The following WAC variants were observed in gnomAD, a reference collection of about 807,000 sequenced individuals.
WAC encodes the protein WW domain containing adaptor with coiled-coil, also known as WW domain-containing adapter protein with coiled-coil.
A neutral mutation model predicts 79.6 loss-of-function variants in WAC; 11 were observed. The ratio of observed to expected loss-of-function variants is 0.14; its 90% CI spans 0.09 to 0.23. The LOEUF (loss-of-function observed/expected upper bound fraction) is 0.23. WAC is among the 10% of genes least tolerant of loss of function. The pLI, the probability that WAC is intolerant of heterozygous loss-of-function variation, is 1.00. For synonymous variants in WAC, 304 were observed against 276.9 expected (o/e 1.10, Z -0.97); for missense variants, 728 against 773.5 (o/e 0.94, Z 0.70).
intron 3 of WAC, chr10:28,538,347 C>T (rs1257446498): frequency 4.5e-5 from 14 of 310,830 alleles, no homozygotes; most frequent in Non-Finnish European, 3.5e-5. Context: ...TTTGGGAGGC[C>T]GAGGCAGGCA....
intron 3 of WAC, among the ~76,000 whole-genome samples, chr10:28,568,122 A>G (rs1210892635): frequency 2.0e-5 from 3 of 152,212 alleles, no homozygotes; most frequent in African/African-American, 2.4e-5. Context: ...ATTTGATTAC[A>G]TATTCTTTTT....
intron 3 of WAC, among the ~76,000 whole-genome samples, chr10:28,536,355 A>C (rs1171769839): frequency 6.6e-6 from 1 of 152,160 alleles, no homozygotes; most frequent in African/African-American, 2.4e-5. Context: ...ACTTTTTTCC[A>C]AGAAAGGAAC....
intron 3 of WAC, among the ~76,000 whole-genome samples, chr10:28,551,584 A>G (rs1051769382): frequency 2.0e-5 from 3 of 152,194 alleles, no homozygotes; most frequent in Non-Finnish European, 4.4e-5. Context: ...ATCTGAAACA[A>G]TATAAACCAG....
At chr10:28,546,615 C>T (rs1439412258) in intron 3 of WAC, among the ~76,000 whole-genome samples, 1 of 152,116 alleles carries the variant, frequency 6.6e-6, no homozygotes, top group Non-Finnish European at 1.5e-5. Context: ...CTTTCTAAAA[C>T]TAAAATAATT....
intron 3 of WAC, among the ~76,000 whole-genome samples, chr10:28,541,058 T>G (rs1443827515): frequency 6.6e-6 from 1 of 152,188 alleles, no homozygotes; most frequent in East Asian, 1.9e-4. Flanking sequence ...TATTTCTATT[T>G]TACAATCAGT....
At position 28,574,444 on chromosome 10, in the gene WAC, G is replaced by A. The variant is rs79581921; in HGVS notation, c.275-8955G>A. 0.011 allele frequency among the ~76,000 whole-genome samples: 1,589 copies of A among 150,682 alleles called. 57 individuals carry two copies. In the East Asian group the frequency reaches 0.11, roughly 11 times the overall value. ...CTTACAGGAGTGAGCCAGTGTGCAC[G>A]GCCTGTTGCTGTTTTTGAGACAGTG... On this transcript the variant is annotated intron_variant, in intron 3 of 13. Coordinates refer to ENST00000354911, the MANE Select transcript of WAC (RefSeq NM_016628.5).
chr10:28,586,322 C>T (rs749530330), intron 4 of WAC, among the ~76,000 whole-genome samples: 8 of 151,982 alleles, frequency 5.3e-5, no homozygotes, highest in Non-Finnish European at 7.4e-5. Context: ...GGGTGTTTAC[C>T]GCAGAGCCTG....
chr10:28,533,678 G>C (rs1836416266), intron 1 of WAC, 58 bp downstream of exon 1: 3 of 1,503,592 alleles, frequency 2.0e-6, no homozygotes, highest in Non-Finnish European at 1.8e-6. Context: ...CGGGGGGGCT[G>C]TTCCTCCTTA....
intron 11 of WAC, 55 bp downstream of exon 11, chr10:28,614,740 G>GC (rs1204877159): frequency 7.5e-7 from 1 of 1,335,022 alleles, no homozygotes; most frequent in Non-Finnish European, 1.1e-6. Flanking sequence ...ATGGTACACT[G>GC]CATTGTTTGA....
intron 3 of WAC, among the ~76,000 whole-genome samples, chr10:28,562,255 C>A (rs554947013): frequency 6.6e-6 from 1 of 152,192 alleles, no homozygotes; most frequent in Admixed American, 6.5e-5. Flanking sequence ...CGGGGTTTCA[C>A]CATGTTAGCC....
chr10:28,588,333 G>A (rs984608331), intron 4 of WAC, among the ~76,000 whole-genome samples: 6 of 152,276 alleles, frequency 3.9e-5, no homozygotes, highest in Non-Finnish European at 7.4e-5. Flanking sequence ...GTGTGAGGGC[G>A]CAGGGCTGCT....
rs778650995 is a variant in WAC at position 28,534,013 on chromosome 10, G to T, written c.57G>T (p.Arg19Ser). The change falls in exon 2 of 14, where the codon AGG (arginine) becomes AGT (serine). Residue 19 changes from arginine to serine, a missense_variant. Physicochemically the swap from Arg to Ser is moderately radical, Grantham distance 110. This residue lies in a region of WAC where 648 missense variants were observed against 661.5 expected (regional missense o/e 0.98). Transcript: ENST00000354911. Reference protein sequence around the residue: ...QRLSDGCHDRRGDSQPYQALK... With the variant: ...QRLSDGCHDRSGDSQPYQALK... ...TGTTTTTCAGCTGTCACGACCGGAG[G>T]GGGGACTCGCAGCCTTACCAGGTAC... 5.0e-6 allele frequency: 8 copies of T among 1,602,084 alleles called. No homozygotes were observed. Among genetic ancestry groups the T allele is most frequent in the African/African-American group, 1.4e-5 (1 of 72,906 alleles).
intron 3 of WAC, among the ~76,000 whole-genome samples, chr10:28,551,821 T>TC (rs1837693413): frequency 6.9e-6 from 1 of 144,056 alleles, no homozygotes; most frequent in Admixed American, 6.8e-5. Context: ...TGTGTGTGTT[T>TC]CTTTTTTTTT....
At chr10:28,576,291 T>G (rs1219017009) in intron 3 of WAC, among the ~76,000 whole-genome samples, 3 of 152,200 alleles carry the variant, frequency 2.0e-5, no homozygotes, top group Non-Finnish European at 4.4e-5. Context: ...TGTAGCCATA[T>G]ATATATATTT....
At chr10:28,590,959 G>T in intron 6 of WAC, 127 bp downstream of exon 6, 3 of 831,100 alleles carry the variant, frequency 3.6e-6, no homozygotes, top group Non-Finnish European at 3.8e-6. Context: ...ATTCTTTTAT[G>T]TTGGATTTAT....
chr10:28,561,415 A>G (rs578053993), intron 3 of WAC, among the ~76,000 whole-genome samples: 6 of 152,246 alleles, frequency 3.9e-5, no homozygotes, highest in African/African-American at 1.2e-4. Context: ...TCTTGTTTCT[A>G]GTTTGGATTT....
At chr10:28,535,972 G>A in intron 3 of WAC, 1 of 386,122 alleles carries the variant, frequency 2.6e-6, no homozygotes, top group Non-Finnish European at 4.5e-6. Context: ...GCCAGGCGCG[G>A]TGGCTCACGC....
At chr10:28,597,584 T>G (rs1490794221) in intron 7 of WAC, among the ~76,000 whole-genome samples, 2 of 152,204 alleles carry the variant, frequency 1.3e-5, no homozygotes, top group African/African-American at 4.8e-5. Context: ...TTCTTTTTCT[T>G]GTTAACCATA....
intron 3 of WAC, among the ~76,000 whole-genome samples, chr10:28,553,870 GA>G (rs376570637): frequency 1.3e-5 from 2 of 152,204 alleles, no homozygotes; most frequent in East Asian, 1.9e-4. Context: ...GTAATCTAGA[GA>G]TTTTTTTTCT....
Sources: gnomAD v4.1 joint callset for allele counts (sites outside exome capture counted in the v4.1 genomes callset) on GRCh38, gnomAD v4.1.1 for gene constraint, gnomAD v4.1.1 regional missense constraint, MANE v1.5 for transcripts, NCBI Gene and HGNC (gene_info 2026-07-23, HGNC 2026-07-21) for gene names.